The following LINGO2 variants were observed in gnomAD, a reference collection of about 807,000 sequenced individuals.
LINGO2 encodes the protein leucine rich repeat and Ig domain containing 2.
Under a neutral mutation model 30.6 loss-of-function variants are expected in LINGO2, and 14 were observed. The observed-to-expected ratio is 0.46, with a 90% confidence interval of 0.30 to 0.72. The LOEUF is 0.72. Among genes scored for constraint, LINGO2 ranks in the 30% least tolerant of loss-of-function variants. LINGO2 has a pLI of 0.07. For synonymous variants in LINGO2, 317 were observed against 288.5 expected (o/e 1.10, Z -1.00); for missense variants, 729 against 751.7 (o/e 0.97, Z 0.35).
chr9:28,068,959 C>A (rs796133804), intron 4 of LINGO2, among the ~76,000 whole-genome samples: 5 of 152,204 alleles, frequency 3.3e-5, no homozygotes, highest in African/African-American at 1.2e-4. Context: ...CCTTTCGGAG[C>A]TTATATTCTA....
At chr9:28,964,430 T>C in the LINGO2 span, among the ~76,000 whole-genome samples, 38,239 of 151,734 alleles carry the variant, frequency 0.25, 5,059 homozygotes, top group East Asian at 0.35. Context: ...AGCTAAAATA[T>C]TGAGGCAAGA....
At chr9:28,007,737 T>A (rs1822338007) in intron 5 of LINGO2, among the ~76,000 whole-genome samples, 1 of 152,200 alleles carries the variant, frequency 6.6e-6, no homozygotes. Context: ...TCATTTTTTA[T>A]TTTCATAACA....
intron 4 of LINGO2, among the ~76,000 whole-genome samples, chr9:28,291,472 G>T (rs1263740875): frequency 6.6e-6 from 1 of 152,104 alleles, no homozygotes; most frequent in Non-Finnish European, 1.5e-5. Flanking sequence ...TGAACAAAAT[G>T]GATAAAATGC....
At chr9:27,985,119 C>T (rs377444476) in intron 5 of LINGO2, among the ~76,000 whole-genome samples, 81 of 151,918 alleles carry the variant, frequency 5.3e-4, no homozygotes, top group Middle Eastern at 3.4e-3. Flanking sequence ...ATTGTTATGA[C>T]ATTCTTCTTT....
At chr9:28,727,167 A>C in the LINGO2 span, among the ~76,000 whole-genome samples, 1 of 152,200 alleles carries the variant, frequency 6.6e-6, no homozygotes, top group Non-Finnish European at 1.5e-5. Context: ...AATATATTAA[A>C]ATTAGACTCT....
the LINGO2 span, among the ~76,000 whole-genome samples, chr9:28,822,978 A>G: frequency 6.6e-6 from 1 of 152,154 alleles, no homozygotes; most frequent in South Asian, 2.1e-4. Flanking sequence ...CAGCTTTTGG[A>G]CTATTAAATA....
At chr9:28,660,377 A>C (rs1468342785) in intron 1 of LINGO2, among the ~76,000 whole-genome samples, 3 of 152,114 alleles carry the variant, frequency 2.0e-5, no homozygotes, top group Non-Finnish European at 4.4e-5. Context: ...AACAAAAATA[A>C]CAGTGAAGAC....
At chr9:28,436,611 C>A (rs1174026357) in intron 2 of LINGO2, among the ~76,000 whole-genome samples, 1 of 152,016 alleles carries the variant, frequency 6.6e-6, no homozygotes, top group Non-Finnish European at 1.5e-5. Context: ...GTGCCCGCCA[C>A]CACGACCGGC....
intron 3 of LINGO2, among the ~76,000 whole-genome samples, chr9:28,330,924 G>C (rs899532322): frequency 6.6e-6 from 1 of 152,102 alleles, no homozygotes; most frequent in Non-Finnish European, 1.5e-5. Context: ...AGATTTTCAA[G>C]AGACATGAAG....
intron 4 of LINGO2, among the ~76,000 whole-genome samples, chr9:28,187,023 C>T (rs1819565192): frequency 6.6e-6 from 1 of 152,010 alleles, no homozygotes; most frequent in Admixed American, 6.6e-5. Context: ...GTAGTGGGGA[C>T]AGATTGAAGG....
At chr9:28,404,937 G>A (rs1822437079) in intron 2 of LINGO2, among the ~76,000 whole-genome samples, 2 of 95,318 alleles carry the variant, frequency 2.1e-5, no homozygotes, top group Admixed American at 2.2e-4. Flanking sequence ...TAAAATTCCA[G>A]AAGGACTACA....
At chr9:28,606,120 T>C (rs747199013) in intron 1 of LINGO2, among the ~76,000 whole-genome samples, 1 of 152,024 alleles carries the variant, frequency 6.6e-6, no homozygotes, top group Non-Finnish European at 1.5e-5. Flanking sequence ...TTGTGACTAT[T>C]TCTCTCAGTT....
chr9:28,757,116 T>C, the LINGO2 span, among the ~76,000 whole-genome samples: 2 of 152,202 alleles, frequency 1.3e-5, no homozygotes, highest in South Asian at 4.1e-4. Context: ...ATAAATCCTA[T>C]AAATGACAAA....
chr9:28,057,572 T>C (rs534023308), intron 4 of LINGO2, among the ~76,000 whole-genome samples: 1 of 21,936 alleles, frequency 4.6e-5, no homozygotes, highest in Admixed American at 7.1e-4. Flanking sequence ...TATACATATA[T>C]ATACACATAT....
chr9:29,151,751 ATTATTC>A, the LINGO2 span, among the ~76,000 whole-genome samples: 4 of 152,196 alleles, frequency 2.6e-5, no homozygotes, highest in African/African-American at 9.7e-5. Flanking sequence ...CATAAAACAA[ATTATTC>A]TTGACCTACA....
the LINGO2 span, among the ~76,000 whole-genome samples, chr9:29,141,648 C>G: frequency 6.7e-4 from 102 of 151,806 alleles, no homozygotes; most frequent in African/African-American, 2.3e-3. Flanking sequence ...AATATGCTGT[C>G]TATAGATAAT....
In LINGO2 at chr9:28,445,441, G is replaced by C. The variant is rs371323744; in HGVS notation, c.-279+30499C>G. Among the ~76,000 whole-genome samples, 20 of 152,228 alleles carry C rather than the reference G, an allele frequency of 1.3e-4. 1 individual carries two copies. The East Asian group carries it at 3.7e-3, about 28-fold the overall frequency. ...GACATGTCTTGATTTGCCTCTCTTG[G>C]AAAAGGAATGAGCTAGAAAAACAGG... On this transcript the variant is annotated intron_variant, in intron 2 of 5. Coordinates refer to ENST00000379992, the Ensembl canonical transcript of LINGO2.
intron 1 of LINGO2, among the ~76,000 whole-genome samples, chr9:28,584,030 C>A (rs558707547): frequency 1.3e-5 from 2 of 151,924 alleles, no homozygotes; most frequent in Non-Finnish European, 2.9e-5. Flanking sequence ...AGGGGATGCT[C>A]CTTGCCAGAT....
chr9:28,317,821 G>C (rs1401965311), intron 3 of LINGO2, among the ~76,000 whole-genome samples: 1 of 152,166 alleles, frequency 6.6e-6, no homozygotes. Flanking sequence ...GCTAATTTAA[G>C]TCACAGTTCT....
Sources: allele counts gnomAD v4.1 joint callset (sites outside exome capture counted in the v4.1 genomes callset), GRCh38; gene constraint gnomAD v4.1.1; transcripts MANE v1.5; gene names NCBI Gene and HGNC (gene_info 2026-07-23, HGNC 2026-07-21).